CTNNA3: variants seen among roughly 807,000 people sequenced by gnomAD.
The protein encoded by CTNNA3 is catenin alpha 3, also known as catenin alpha-3.
A neutral mutation model predicts 95.7 loss-of-function variants in CTNNA3; 76 were observed. That is an observed-to-expected ratio of 0.79 (90% CI 0.66 to 0.96). CTNNA3 has a LOEUF of 0.96. Among genes scored for constraint, CTNNA3 ranks in the 40% least tolerant of loss-of-function variants. CTNNA3 has a pLI of 0.00. For synonymous variants in CTNNA3, 431 were observed against 374.4 expected, an observed-to-expected ratio of 1.15 and a Z score of -1.74; for missense variants, 1,191 against 1,089.8, an observed-to-expected ratio of 1.09 and a Z score of -1.31.
At chr10:66,670,147 T>C (rs1846606527) in intron 9 of CTNNA3, among the ~76,000 whole-genome samples, 1 of 151,994 alleles carries the variant, frequency 6.6e-6, no homozygotes, top group South Asian at 2.1e-4. Flanking sequence ...ATGTCCACTA[T>C]GGGGGGGATA....
At chr10:67,179,494 CA>C (rs35292826) in intron 7 of CTNNA3, among the ~76,000 whole-genome samples, 10,690 of 85,242 alleles carry the variant, frequency 0.13, 452 homozygotes, top group African/African-American at 0.17. Context: ...GCTAAAACTT[CA>C]AAAAAAAAAA....
chr10:67,209,367 T>C (rs1161364038), intron 6 of CTNNA3, among the ~76,000 whole-genome samples: 1 of 152,062 alleles, frequency 6.6e-6, no homozygotes, highest in Non-Finnish European at 1.5e-5. Context: ...TTTTTAAATG[T>C]ATGGAACAAA....
chr10:67,395,929 T>C (rs1171204753), intron 5 of CTNNA3, among the ~76,000 whole-genome samples: 1 of 152,188 alleles, frequency 6.6e-6, no homozygotes, highest in African/African-American at 2.4e-5. Context: ...TCAGAGCTCT[T>C]TCCAATATAT....
intron 9 of CTNNA3, among the ~76,000 whole-genome samples, chr10:66,677,084 G>T (rs961997466): frequency 6.6e-6 from 1 of 152,098 alleles, no homozygotes; most frequent in African/African-American, 2.4e-5. Context: ...CTTTACTATG[G>T]TATTGTGGAT....
intron 13 of CTNNA3, among the ~76,000 whole-genome samples, chr10:66,202,210 C>T (rs2087470965): frequency 6.6e-6 from 1 of 152,164 alleles, no homozygotes; most frequent in Admixed American, 6.5e-5. Flanking sequence ...TTTCACAGTT[C>T]CATACAATCT....
chr10:66,962,640 T>C (rs1172814339), intron 7 of CTNNA3, among the ~76,000 whole-genome samples: 1 of 152,030 alleles, frequency 6.6e-6, no homozygotes, highest in Non-Finnish European at 1.5e-5. Context: ...CTCGATCTCC[T>C]GATCTCGTGA....
At chr10:65,956,442 T>A (rs1175928790) in intron 17 of CTNNA3, among the ~76,000 whole-genome samples, 10 of 152,188 alleles carry the variant, frequency 6.6e-5, no homozygotes, top group Admixed American at 3.9e-4. Context: ...TTTGAATGTG[T>A]TTGCTCTTGC....
At chr10:67,284,628 A>G (rs537709440) in intron 5 of CTNNA3, among the ~76,000 whole-genome samples, 1 of 152,334 alleles carries the variant, frequency 6.6e-6, no homozygotes, top group South Asian at 2.1e-4. Context: ...ATCAGGCTGA[A>G]TGTATCATCA....
At chr10:67,057,006 A>G (rs1266282167) in intron 7 of CTNNA3, among the ~76,000 whole-genome samples, 3 of 152,156 alleles carry the variant, frequency 2.0e-5, no homozygotes, top group Admixed American at 1.3e-4. Flanking sequence ...AAGTTCTCTA[A>G]TTAGTCACAG....
chr10:67,727,884 CAT>C (rs1841249310), intron 1 of CTNNA3, among the ~76,000 whole-genome samples: 1 of 105,184 alleles, frequency 9.5e-6, no homozygotes, highest in South Asian at 2.7e-4. Context: ...GTATATATCA[CAT>C]ATTATATTAT....
At chr10:66,607,481 A>AAG (rs952443337) in intron 10 of CTNNA3, among the ~76,000 whole-genome samples, 2 of 142,730 alleles carry the variant, frequency 1.4e-5, no homozygotes, top group African/African-American at 4.9e-5. Flanking sequence ...CCAAAAAAAA[A>AAG]AAAAAAAAAA....
At chr10:66,326,359 C>T (rs373212594) in intron 12 of CTNNA3, among the ~76,000 whole-genome samples, 3 of 151,974 alleles carry the variant, frequency 2.0e-5, no homozygotes, top group Non-Finnish European at 4.4e-5. Flanking sequence ...TGATGCTACT[C>T]GACATTTGGC....
At position 65,920,315 on chromosome 10, in the gene CTNNA3, T is replaced by C; in HGVS notation, c.*15A>G. On this transcript the variant is annotated 3_prime_UTR_variant, in exon 18 of 18. Transcript: ENST00000433211. Reference sequence around the variant, plus strand: ...AGGATTTTGTCATATAGGCACTATATGTAGAATAGTGGTTTCAGTAGATTT... The same window carrying C: ...AGGATTTTGTCATATAGGCACTATACGTAGAATAGTGGTTTCAGTAGATTT... 1.9e-6 allele frequency: 3 copies of C among 1,602,754 alleles called. No homozygotes were observed. The highest frequency in any genetic ancestry group is 2.2e-5 in the South Asian group (2 of 90,550).
intron 11 of CTNNA3, among the ~76,000 whole-genome samples, chr10:66,490,787 T>G (rs977883380): frequency 1.3e-5 from 2 of 152,142 alleles, no homozygotes; most frequent in African/African-American, 2.4e-5. Flanking sequence ...CTGGCCTCTA[T>G]GCATGAGGAA....
intron 7 of CTNNA3, among the ~76,000 whole-genome samples, chr10:66,921,741 C>CT (rs147637534): frequency 3.3e-5 from 5 of 151,998 alleles, no homozygotes; most frequent in African/African-American, 4.8e-5. Flanking sequence ...TTATATTTTT[C>CT]TTTTTTTTCA....
chr10:67,026,266 A>T (rs942183701), intron 7 of CTNNA3, among the ~76,000 whole-genome samples: 5 of 152,096 alleles, frequency 3.3e-5, no homozygotes, highest in Non-Finnish European at 7.4e-5. Flanking sequence ...AATAATAATT[A>T]AGAAAAAAAA....
chr10:67,697,187 A>T (rs1335926544), upstream of CTNNA3, among the ~76,000 whole-genome samples: 1 of 152,190 alleles, frequency 6.6e-6, no homozygotes, highest in Non-Finnish European at 1.5e-5. Flanking sequence ...TACCTTTAAA[A>T]TGGGCATAAT....
At chr10:66,658,835 A>G (rs1028810811) in intron 9 of CTNNA3, among the ~76,000 whole-genome samples, 7 of 152,112 alleles carry the variant, frequency 4.6e-5, no homozygotes, top group Admixed American at 3.9e-4. Context: ...CTGGGACTAC[A>G]GGCACCCACG....
intron 7 of CTNNA3, among the ~76,000 whole-genome samples, chr10:66,801,679 C>T (rs1407792240): frequency 6.6e-6 from 1 of 151,436 alleles, no homozygotes; most frequent in Non-Finnish European, 1.5e-5. Flanking sequence ...TTCCAATCTG[C>T]CAAGATTACT....
Sources: gnomAD v4.1 joint callset for allele counts (sites outside exome capture counted in the v4.1 genomes callset) on GRCh38, gnomAD v4.1.1 for gene constraint, MANE v1.5 for transcripts, NCBI Gene and HGNC (gene_info 2026-07-23, HGNC 2026-07-21) for gene names.